The following CHST7 variants were observed in gnomAD, a reference collection of about 807,000 sequenced individuals.
CHST7 encodes carbohydrate sulfotransferase 7, also known as N-acetylglucosamine 6-O-sulfotransferase 4.
CHST7 carries 5 observed loss-of-function variants against 9.0 expected under a neutral mutation model. The observed-to-expected ratio is 0.56, with a 90% confidence interval of 0.29 to 1.17. CHST7 has a LOEUF of 1.17. Among genes scored for constraint, CHST7 ranks in the 50% most tolerant of loss-of-function variants. CHST7 has a pLI of 0.08. For missense variants in CHST7, 377 were observed against 485.1 expected (o/e 0.78, Z 2.09); for synonymous variants, 244 against 237.1 (o/e 1.03, Z -0.27).
intron 1 of CHST7, among the ~76,000 whole-genome samples, chrX:46,591,648 T>G (rs1007430603): frequency 9.8e-5 from 11 of 111,700 alleles, no homozygotes. Flanking sequence ...GTGCTGAGAT[T>G]ACAGGCGTGA....
intron 1 of CHST7, among the ~76,000 whole-genome samples, chrX:46,578,234 G>A (rs1324618533): frequency 9.5e-6 from 1 of 105,699 alleles, no homozygotes; most frequent in Non-Finnish European, 1.9e-5. Context: ...TATCTAGCCA[G>A]TAAGGGGTGG....
At chrX:46,578,579 T>TTA (rs1454088926) in intron 1 of CHST7, among the ~76,000 whole-genome samples, 1 of 108,986 alleles carries the variant, frequency 9.2e-6, no homozygotes, top group Admixed American at 9.9e-5. Flanking sequence ...AAAAGAAATT[T>TTA]TTTTTTTGCA....
Position 46,573,951 on chromosome X carries a change from G to C in CHST7, c.20G>C (p.Arg7Pro), listed in dbSNP as rs1247550163. 8.7e-7 allele frequency: 1 copy of C among 1,153,524 alleles called. No individual in the cohort carries two copies. Among genetic ancestry groups the C allele is most frequent in the Non-Finnish European group, 1.1e-6 (1 of 872,272 alleles). MKGRRR[R>P]RREYCKFALL... ...TGAACGATGAAGGGCCGGCGGCGGC[G>C]ACGCCGAGAGTACTGCAAGTTCGCG... The change falls in exon 1 of 2, where the codon CGA becomes CCA. Residue 7 changes from arginine (R) to proline (P), a missense_variant. Physicochemically the swap from Arg to Pro is moderately radical, Grantham distance 103. Coordinates refer to ENST00000276055, the MANE Select transcript of CHST7 (RefSeq NM_019886.4).
chrX:46,581,963 A>C (rs1182894577), intron 1 of CHST7, among the ~76,000 whole-genome samples: 1 of 112,116 alleles, frequency 8.9e-6, no homozygotes, highest in Non-Finnish European at 1.9e-5. Flanking sequence ...AAGCAGCCAC[A>C]ATATTTCTTG....
chrX:46,579,971 G>A lies in CHST7; in HGVS notation c.*31+4548G>A, dbSNP rs1471696059. The stretch of plus-strand genomic sequence containing the variant: ...CACGCCACTGCGCTCTAGTCTGGAT[G>A]ATAGAGAGAGACCCTGTCTCAAAAG... On this transcript the variant is annotated intron_variant, in intron 1 of 1. Transcript: ENST00000276055. Among the ~76,000 whole-genome samples the A allele has an allele frequency of 7.2e-5, 8 of 111,044 alleles. 1 individual carries two copies. The highest frequency in any genetic ancestry group is 2.3e-4 in the African/African-American group (7 of 30,517).
chrX:46,578,264 A>G (rs1456319339), intron 1 of CHST7, among the ~76,000 whole-genome samples: 3 of 74,140 alleles, frequency 4.0e-5, no homozygotes, highest in East Asian at 9.7e-4. Context: ...TCCTCCTGCC[A>G]TGCTCTTTTT....
chrX:46,581,513 G>A (rs1351746560), intron 1 of CHST7, among the ~76,000 whole-genome samples: 13 of 107,932 alleles, frequency 1.2e-4, no homozygotes, highest in Non-Finnish European at 2.3e-4. Flanking sequence ...CTGAGATCGC[G>A]CCACTGCACT....
chrX:46,591,651 A>T (rs1017528898), intron 1 of CHST7, among the ~76,000 whole-genome samples: 2 of 111,549 alleles, frequency 1.8e-5, no homozygotes, highest in Non-Finnish European at 3.8e-5. Flanking sequence ...CTGAGATTAC[A>T]GGCGTGAGCC....
chrX:46,595,302 G>A (rs776690873), intron 1 of CHST7, among the ~76,000 whole-genome samples: 4 of 112,249 alleles, frequency 3.6e-5, no homozygotes, highest in Non-Finnish European at 7.5e-5. Context: ...TTTGACAAGT[G>A]CTCTTTTTAT....
intron 1 of CHST7, among the ~76,000 whole-genome samples, chrX:46,576,815 G>C (rs1457904679): frequency 8.9e-6 from 1 of 112,341 alleles, no homozygotes; most frequent in Non-Finnish European, 1.9e-5. Flanking sequence ...ACAGAACCAG[G>C]GTTTCAGAGT....
At position 46,574,470 on chromosome X, in the gene CHST7, G is replaced by A; in HGVS notation, c.539G>A (p.Arg180His). The A allele has an allele frequency of 8.3e-7, 1 of 1,206,656 alleles. No individual in the cohort carries two copies. The highest frequency in any genetic ancestry group is 1.1e-6 in the Non-Finnish European group (1 of 893,267). The stretch of plus-strand genomic sequence containing the variant: ...GCGCCGCCGGGGGACCCCGCTGCGC[G>A]CGCCCCGGACACGGCCAATCTTACC... The part of the protein sequence containing the change: ...LYAPPGDPAA[R>H]APDTANLTTA... The change falls in exon 1 of 2, where the codon CGC becomes CAC. Residue 180 changes from arginine to histidine, a missense_variant. By Grantham distance (29) the Arg-to-His change is conservative. Around this residue, in one of 3 missense-constraint regions of CHST7, gnomAD observed 239 missense variants for 325.7 expected, o/e 0.73. Coordinates refer to ENST00000276055, the MANE Select transcript of CHST7 (RefSeq NM_019886.4).
At chrX:46,578,985 G>C (rs1328896985) in intron 1 of CHST7, among the ~76,000 whole-genome samples, 1 of 110,689 alleles carries the variant, frequency 9.0e-6, no homozygotes, top group African/African-American at 3.3e-5. Context: ...AGTCTGGAGT[G>C]GAGTCCCCAG....
At chrX:46,597,449 C>T (rs763057382) in intron 1 of CHST7, among the ~76,000 whole-genome samples, 5 of 111,593 alleles carry the variant, frequency 4.5e-5, no homozygotes, top group Non-Finnish European at 7.5e-5. Flanking sequence ...CTCCTACACA[C>T]TACCCAGAAG....
At chrX:46,580,830 ACCCAGGC>A (rs1942521271) in intron 1 of CHST7, among the ~76,000 whole-genome samples, 1 of 111,791 alleles carries the variant, frequency 8.9e-6, no homozygotes, top group Non-Finnish European at 1.9e-5. Context: ...CGGCATGGGA[ACCCAGGC>A]ATCAGGGCCT....
chrX:46,588,519 G>C (rs1481625171), intron 1 of CHST7, among the ~76,000 whole-genome samples: 11 of 111,210 alleles, frequency 9.9e-5, no homozygotes, highest in Non-Finnish European at 2.1e-4. Context: ...AGCCTCAGCC[G>C]AGCCAAGTGC....
chrX:46,587,159 C>G (rs1942553665), intron 1 of CHST7, among the ~76,000 whole-genome samples: 1 of 111,119 alleles, frequency 9.0e-6, no homozygotes, highest in Non-Finnish European at 1.9e-5. Context: ...TTATTCTATT[C>G]TAGAATAAGA....
chrX:46,593,297 G>A (rs922746050), intron 1 of CHST7, among the ~76,000 whole-genome samples: 4 of 111,681 alleles, frequency 3.6e-5, no homozygotes, highest in Non-Finnish European at 5.6e-5. Flanking sequence ...CTATAGACTC[G>A]TCCATTTCTT....
intron 1 of CHST7, among the ~76,000 whole-genome samples, chrX:46,585,152 A>G (rs952552961): frequency 9.0e-6 from 1 of 111,431 alleles, no homozygotes; most frequent in Non-Finnish European, 1.9e-5. Context: ...AATAAAGAAT[A>G]TCACTAACAT....
rs949687472 is a variant in CHST7, at chrX:46,577,419, T to C, written c.*31+1996T>C. On this transcript the variant is annotated intron_variant, in intron 1 of 1. Transcript: ENST00000276055. ...CACTTACCACCAATCAGTGGGTTGA[T>C]TACAGTGCTTGTATTCTTGGTTCCT... Among the ~76,000 whole-genome samples, 3 of 111,251 alleles carry C rather than the reference T, an allele frequency of 2.7e-5. No individual in the cohort carries two copies. In the Admixed American group the frequency reaches 2.9e-4, roughly 11 times the overall value.
Sources: allele counts gnomAD v4.1 joint callset (sites outside exome capture counted in the v4.1 genomes callset), GRCh38; gene constraint gnomAD v4.1.1; regional missense constraint gnomAD v4.1.1; transcripts MANE v1.5; gene names NCBI Gene and HGNC (gene_info 2026-07-23, HGNC 2026-07-21).